The following SUPT3H variants were observed in gnomAD, a reference collection of about 807,000 sequenced individuals.
The protein encoded by SUPT3H is transcription initiation protein SPT3 homolog.
Under a neutral mutation model 44.3 loss-of-function variants are expected in SUPT3H, and 44 were observed. The observed-to-expected ratio is 0.99, with a 90% CI of 0.78 to 1.28. SUPT3H has a LOEUF of 1.28. SUPT3H is among the 50% of genes most tolerant of loss of function. The pLI, the probability that SUPT3H is intolerant of heterozygous loss-of-function variation, is 0.00. For synonymous variants in SUPT3H, 124 were observed against 125.6 expected (o/e 0.99, Z 0.09); for missense variants, 380 against 387.1 (o/e 0.98, Z 0.15).
At chr6:45,204,274 G>GAAGAAGAAGAAGAAGAAGAAGAAA (rs1242159981) in intron 2 of SUPT3H, among the ~76,000 whole-genome samples, 1 of 151,776 alleles carries the variant, frequency 6.6e-6, no homozygotes, top group African/African-American at 2.4e-5. Context: ...AGAAGAAGAA[G>GAAGAAGAAGAAGAAGAAGAAGAAA]AAGAAGAACC....
intron 3 of SUPT3H, among the ~76,000 whole-genome samples, chr6:45,074,208 AT>A (rs1247270726): frequency 6.6e-6 from 1 of 152,038 alleles, no homozygotes; most frequent in Non-Finnish European, 1.5e-5. Context: ...TACCTAAAAA[AT>A]AATTAAATAT....
At chr6:44,855,126 T>C (rs1773519446) in intron 10 of SUPT3H, among the ~76,000 whole-genome samples, 1 of 152,226 alleles carries the variant, frequency 6.6e-6, no homozygotes, top group African/African-American at 2.4e-5. Context: ...GCTTTTTCTA[T>C]CACATGGAAT....
At chr6:45,037,814 A>C (rs1787912716) in intron 3 of SUPT3H, among the ~76,000 whole-genome samples, 1 of 151,988 alleles carries the variant, frequency 6.6e-6, no homozygotes, top group Non-Finnish European at 1.5e-5. Flanking sequence ...CAAAAAAAAA[A>C]AAATACTAAG....
At chr6:45,351,213 C>T (rs922613880) in intron 2 of SUPT3H, among the ~76,000 whole-genome samples, 1 of 152,060 alleles carries the variant, frequency 6.6e-6, no homozygotes, top group Non-Finnish European at 1.5e-5. Flanking sequence ...AAATTATGCT[C>T]TAAATTAGTG....
intron 2 of SUPT3H, among the ~76,000 whole-genome samples, chr6:45,157,285 A>T (rs955745449): frequency 6.6e-6 from 1 of 152,084 alleles, no homozygotes; most frequent in South Asian, 2.1e-4. Flanking sequence ...TTTTAAAAAC[A>T]GTATTTAAGA....
chr6:44,908,374 A>T (rs1156267275), intron 10 of SUPT3H, among the ~76,000 whole-genome samples: 2 of 151,936 alleles, frequency 1.3e-5, no homozygotes, highest in Non-Finnish European at 2.9e-5. Context: ...GATGGTCTCG[A>T]TCTCCTGACC....
chr6:45,331,126 TGCGCGC>T (rs1352072883), intron 2 of SUPT3H, among the ~76,000 whole-genome samples: 1 of 132,822 alleles, frequency 7.5e-6, no homozygotes, highest in Admixed American at 7.3e-5. Flanking sequence ...TGTGTGTGTG[TGCGCGC>T]GCGCGCGCAC....
At chr6:44,810,907 C>CAA (rs397778032) in intron 11 of SUPT3H, among the ~76,000 whole-genome samples, 3,759 of 141,776 alleles carry the variant, frequency 0.027, 154 homozygotes, top group African/African-American at 0.091. Context: ...GACTCCATCT[C>CAA]AAAAAAAAAA....
At chr6:45,247,065 CAAG>C (rs201919312) in intron 2 of SUPT3H, among the ~76,000 whole-genome samples, 2,662 of 152,218 alleles carry the variant, frequency 0.017, 50 homozygotes, top group South Asian at 0.085. Flanking sequence ...GCACAAAGTA[CAAG>C]AAGAGCTATC....
At chr6:44,964,551 A>C (rs1311676161) in intron 6 of SUPT3H, among the ~76,000 whole-genome samples, 1 of 152,192 alleles carries the variant, frequency 6.6e-6, no homozygotes, top group Non-Finnish European at 1.5e-5. Flanking sequence ...ATTGCCAGCT[A>C]CAATATTTCA....
chr6:45,007,256 T>C (rs142128995), intron 5 of SUPT3H, among the ~76,000 whole-genome samples: 34 of 152,260 alleles, frequency 2.2e-4, no homozygotes, highest in African/African-American at 7.7e-4. Context: ...TCAAGAATTT[T>C]ACTAAGACAT....
At chr6:45,333,311 G>C (rs978740651) in intron 2 of SUPT3H, among the ~76,000 whole-genome samples, 1 of 151,506 alleles carries the variant, frequency 6.6e-6, no homozygotes, top group Non-Finnish European at 1.5e-5. Flanking sequence ...TCAACCACAA[G>C]CTTTTGTCCA....
At chr6:45,075,337 C>T (rs1359125122) in intron 3 of SUPT3H, among the ~76,000 whole-genome samples, 1 of 152,066 alleles carries the variant, frequency 6.6e-6, no homozygotes, top group African/African-American at 2.4e-5. Flanking sequence ...CTTGATGTTA[C>T]ACTATATTGA....
chr6:45,283,194 C>T (rs1295025548), intron 2 of SUPT3H, among the ~76,000 whole-genome samples: 1 of 152,094 alleles, frequency 6.6e-6, no homozygotes, highest in African/African-American at 2.4e-5. Flanking sequence ...GCAAAATAAC[C>T]AGCTAACATC....
intron 2 of SUPT3H, among the ~76,000 whole-genome samples, chr6:45,330,445 A>AG (rs1444737047): frequency 1.3e-5 from 2 of 152,012 alleles, no homozygotes; most frequent in African/African-American, 4.8e-5. Flanking sequence ...GGGATAACAG[A>AG]GGCAGTTAAG....
In SUPT3H at chr6:45,248,617, G is replaced by C. The variant is rs71566526; in HGVS notation, c.101+116584C>G. Among the ~76,000 whole-genome samples the C allele has an allele frequency of 5.5e-3, 841 of 152,148 alleles. 5 individuals carry two copies. Among genetic ancestry groups the C allele is most frequent in the Admixed American group, 0.012 (177 of 15,276 alleles). ...GCGAAGTGCCAAAGAGGATGTGGAA[G>C]AATTAGAACTCTCATACATTGGTCA... On this transcript the variant is annotated intron_variant, in intron 2 of 10. Transcript: ENST00000371459.
chr6:45,210,192 G>A (rs935731277), intron 2 of SUPT3H, among the ~76,000 whole-genome samples: 10 of 152,072 alleles, frequency 6.6e-5, no homozygotes, highest in Non-Finnish European at 1.2e-4. Context: ...GAGACTGTTA[G>A]GCAAATCTGC....
chr6:45,178,540 G>C (rs1812465377), intron 2 of SUPT3H, among the ~76,000 whole-genome samples: 1 of 151,924 alleles, frequency 6.6e-6, no homozygotes, highest in African/African-American at 2.4e-5. Context: ...CCCAGGAATT[G>C]AACTCAGCTC....
intron 2 of SUPT3H, among the ~76,000 whole-genome samples, chr6:45,285,309 G>GTCTGCA (rs1354647212): frequency 2.0e-5 from 3 of 152,154 alleles, no homozygotes; most frequent in Non-Finnish European, 4.4e-5. Flanking sequence ...AATTGTCCCT[G>GTCTGCA]TCTGCAGATG....
Sources: gnomAD v4.1 joint callset for allele counts (sites outside exome capture counted in the v4.1 genomes callset) on GRCh38, gnomAD v4.1.1 for gene constraint, MANE v1.5 for transcripts, NCBI Gene and HGNC (gene_info 2026-07-23, HGNC 2026-07-21) for gene names.